The following ANGPTL5 variants were observed in gnomAD, a reference collection of about 807,000 sequenced individuals.
ANGPTL5 encodes angiopoietin like 5.
Under a neutral mutation model 39.4 loss-of-function variants are expected in ANGPTL5, and 34 were observed. The observed-to-expected ratio is 0.86, with a 90% confidence interval of 0.66 to 1.15. The LOEUF is 1.15. ANGPTL5 is among the 50% of genes most tolerant of loss of function. ANGPTL5 has a pLI of 0.00. For synonymous variants in ANGPTL5, 146 were observed against 152.1 expected (o/e 0.96, Z 0.29); for missense variants, 467 against 457.5 (o/e 1.02, Z -0.19).
At chr11:101,909,311 G>T (rs138491215) in intron 1 of ANGPTL5, among the ~76,000 whole-genome samples, 1 of 152,084 alleles carries the variant, frequency 6.6e-6, no homozygotes. Flanking sequence ...TGGGAGTGCC[G>T]GCTCCAAGAC....
intron 1 of ANGPTL5, 134 bp downstream of exon 1, chr11:101,915,885 T>A (rs1427117084): frequency 6.6e-6 from 1 of 152,494 alleles, no homozygotes; most frequent in Non-Finnish European, 1.5e-5. Flanking sequence ...CACAGTTTGG[T>A]AAGTTGTTTT....
intron 5 of ANGPTL5, 31 bp downstream of exon 5, chr11:101,904,783 C>T (rs1591257148): frequency 6.3e-7 from 1 of 1,574,836 alleles, no homozygotes. Context: ...AAAAGACAAA[C>T]ATGAAAAGGC....
chr11:101,893,438 A>T (rs1160396625), intron 8 of ANGPTL5, among the ~76,000 whole-genome samples: 1 of 152,208 alleles, frequency 6.6e-6, no homozygotes, highest in African/African-American at 2.4e-5. Context: ...TATTTCTATC[A>T]TTACATTCTG....
At position 101,911,322 on chromosome 11, in the gene ANGPTL5, C is replaced by T. The variant is rs536336316; in HGVS notation, c.-92-3321G>A. The stretch of plus-strand genomic sequence containing the variant: ...TGTTTTTAGTAGAGATGGGGTTTCA[C>T]CATGTTGGCCAGGCTGGTCTCAAAC... On this transcript the variant is annotated intron_variant, in intron 1 of 8. Transcript: ENST00000334289. Among the ~76,000 whole-genome samples the T allele has an allele frequency of 2.6e-5, 4 of 151,840 alleles. No homozygotes were observed. In the South Asian group the frequency reaches 6.3e-4, roughly 24 times the overall value.
In ANGPTL5 at chr11:101,904,925, C is replaced by T; in HGVS notation, c.346-18G>A. The T allele has an allele frequency of 2.5e-6, 4 of 1,571,080 alleles. No individual in the cohort carries two copies. Among genetic ancestry groups the T allele is most frequent in the Non-Finnish European group, 3.5e-6 (4 of 1,141,834 alleles). On this transcript the variant is annotated intron_variant, in intron 4 of 8. Coordinates refer to ENST00000334289, the MANE Select transcript of ANGPTL5 (RefSeq NM_178127.5). ...TCGTTAACCTAAACACATGCATACA[C>T]ATTTAAGTAAATTTATATTTGAAGA...
At chr11:101,910,617 C>G (rs557147321) in intron 1 of ANGPTL5, among the ~76,000 whole-genome samples, 1 of 152,160 alleles carries the variant, frequency 6.6e-6, no homozygotes, top group Admixed American at 6.5e-5. Context: ...CCTTATTCCA[C>G]CCCTACCTAT....
intron 8 of ANGPTL5, among the ~76,000 whole-genome samples, chr11:101,894,147 A>G (rs1212409227): frequency 6.6e-6 from 1 of 152,190 alleles, no homozygotes; most frequent in African/African-American, 2.4e-5. Flanking sequence ...AGTATTCTGT[A>G]TTTCCAGTGT....
Position 101,894,872 on chromosome 11 carries a change from A to G in ANGPTL5, c.847+7T>C. On this transcript the variant is annotated splice_region_variant and intron_variant, in intron 8 of 8. Coordinates refer to ENST00000334289, the MANE Select transcript of ANGPTL5 (RefSeq NM_178127.5). The stretch of plus-strand genomic sequence containing the variant: ...CTGGATAATTTTAGGAATAAAAAAA[A>G]TCTTACCAGCATTTCCTGAATACCG... 6.2e-7 allele frequency: 1 copy of G among 1,608,228 alleles called. No individual in the cohort carries two copies. The highest frequency in any genetic ancestry group is 8.5e-7 in the Non-Finnish European group (1 of 1,175,052).
At chr11:101,904,769 C>T (rs1331400908) in intron 5 of ANGPTL5, 45 bp downstream of exon 5, 7 of 1,524,100 alleles carry the variant, frequency 4.6e-6, no homozygotes, top group African/African-American at 1.4e-5. Context: ...AAATTTTAAG[C>T]AATAAAAGAC....
rs1939985836 is a variant in ANGPTL5, at chr11:101,905,621, C to G, written c.345+123G>C. The G allele has an allele frequency of 8.4e-6, 6 of 716,936 alleles. No individual in the cohort carries two copies. The Admixed American group carries it at 1.3e-4, about 15-fold the overall frequency. The allele number at this position is 716,936 out of a possible 1,614,324, so 44.4% of individuals were successfully genotyped here. ...TTGCCTAAAGTTTACTATGGTGCCT[C>G]TAACATGGTAGGCGCTAAATAGATG... On this transcript the variant is annotated intron_variant, in intron 4 of 8. Transcript: ENST00000334289.
intron 3 of ANGPTL5, among the ~76,000 whole-genome samples, chr11:101,906,778 CT>C (rs35741758): frequency 6.6e-6 from 1 of 151,782 alleles, no homozygotes; most frequent in Non-Finnish European, 1.5e-5. Context: ...CTTCCTCTCT[CT>C]TTCTTATTTT....
chr11:101,891,642 AT>A (rs764140418), intron 8 of ANGPTL5, 44 bp from the exon 9 acceptor site: 2 of 1,541,486 alleles, frequency 1.3e-6, no homozygotes, highest in Non-Finnish European at 1.8e-6. Flanking sequence ...GGAAATTTCT[AT>A]TATTTTAATT....
intron 3 of ANGPTL5, among the ~76,000 whole-genome samples, chr11:101,906,508 G>A (rs1355908611): frequency 6.6e-6 from 1 of 152,044 alleles, no homozygotes; most frequent in Non-Finnish European, 1.5e-5. Flanking sequence ...GTACCGTCAT[G>A]CTATTTCAGT....
At chr11:101,900,352 G>A in intron 7 of ANGPTL5, 78 bp downstream of exon 7, 1 of 1,445,780 alleles carries the variant, frequency 6.9e-7, no homozygotes, top group Non-Finnish European at 9.6e-7. Context: ...TTTTACTACA[G>A]ATCTGACCAA....
chr11:101,916,255 C>T lies in ANGPTL5; in HGVS notation c.-329G>A, dbSNP rs974195535. The T allele has an allele frequency of 2.0e-5, 3 of 152,154 alleles. No homozygotes were observed. The highest frequency in any genetic ancestry group is 7.2e-5 in the African/African-American group (3 of 41,436). 9.4% of individuals were successfully genotyped at this position (152,154 alleles called of 1,614,324 possible). A position where few individuals can be genotyped will look rare whatever the true frequency, so the allele number is the denominator to read the frequency against. Reference sequence around the variant, plus strand: ...TCTGTTTTCTTATCCCCTTTGTCTCCAATTTCTAGGATGTTCTTTGTACTC... The same window carrying T: ...TCTGTTTTCTTATCCCCTTTGTCTCTAATTTCTAGGATGTTCTTTGTACTC... On this transcript the variant is annotated 5_prime_UTR_variant, in exon 1 of 9. Coordinates refer to ENST00000334289, the MANE Select transcript of ANGPTL5 (RefSeq NM_178127.5).
intron 1 of ANGPTL5, among the ~76,000 whole-genome samples, chr11:101,912,339 T>C (rs1156435443): frequency 6.6e-6 from 1 of 152,246 alleles, no homozygotes; most frequent in African/African-American, 2.4e-5. Flanking sequence ...CACAACTGCC[T>C]TTCCTGTCAA....
chr11:101,906,702 C>G (rs55986595), intron 3 of ANGPTL5, among the ~76,000 whole-genome samples: 6,568 of 152,188 alleles, frequency 0.043, 192 homozygotes, highest in African/African-American at 0.081. Flanking sequence ...TATTTTCTAA[C>G]TTTCTTTCCA....
Position 101,894,952 on chromosome 11 carries a change from T to A in ANGPTL5, c.774A>T (p.Ser258=), listed in dbSNP as rs766085990. ...CATCCTCTAGCCAAAAATTATCATA[T>A]GATGCATAAGCAAGAGTGTCATCTT... ...ESEDDTLAYA[S]YDNFWLEDET... The change falls in exon 8 of 9, where the codon TCA becomes TCT. Residue 258 remains serine (S), a synonymous_variant. Transcript: ENST00000334289. 2 of 1,613,096 alleles carry A rather than the reference T, an allele frequency of 1.2e-6. No individual in the cohort carries two copies. Among genetic ancestry groups the A allele is most frequent in the Non-Finnish European group, 1.7e-6 (2 of 1,179,198 alleles).
intron 8 of ANGPTL5, among the ~76,000 whole-genome samples, chr11:101,893,739 C>T (rs1474053678): frequency 1.3e-5 from 2 of 152,112 alleles, no homozygotes; most frequent in Non-Finnish European, 2.9e-5. Flanking sequence ...AAACTTTTCC[C>T]TATAGATCAT....
Sources: gnomAD v4.1 joint callset for allele counts (sites outside exome capture counted in the v4.1 genomes callset) on GRCh38, gnomAD v4.1.1 for gene constraint, MANE v1.5 for transcripts, NCBI Gene and HGNC (gene_info 2026-07-23, HGNC 2026-07-21) for gene names.